The following SLPI variants were observed in gnomAD, a reference collection of about 807,000 sequenced individuals.
The protein encoded by SLPI is antileukoproteinase.
SLPI carries 20 observed loss-of-function variants against 14.3 expected under a neutral mutation model. That is an observed-to-expected ratio of 1.40 (90% CI 0.99 to 2.04). The LOEUF (loss-of-function observed/expected upper bound fraction) is 2.04. Ranked by LOEUF, SLPI falls within the 30% of genes most tolerant of loss-of-function variation. The probability of loss-of-function intolerance (pLI) is 0.00; values close to 1 mark genes in which losing one functional copy is unlikely to be tolerated. For synonymous variants in SLPI, 68 were observed against 54.8 expected, an observed-to-expected ratio of 1.24 and a Z score of -1.07; for missense variants, 169 against 159.4, an observed-to-expected ratio of 1.06 and a Z score of -0.32.
rs566859914 is a variant in SLPI at position 45,254,520 on chromosome 20, G to T, written c.24C>A (p.Pro8=). 5 of 1,614,128 alleles carry T rather than the reference G, an allele frequency of 3.1e-6. No individual in the cohort carries two copies. In the South Asian group the frequency reaches 5.5e-5, roughly 18 times the overall value. The stretch of plus-strand genomic sequence containing the variant: ...TTCCCAGGGCAAGCAGCACCAGGAA[G>T]GGGAAGAGGCCGCTGGACTTCATGG... The part of the protein sequence containing the change: MKSSGLF[P]FLVLLALGTL... Residue 8 remains proline, a synonymous_variant, in exon 1 of 4, where the codon CCC becomes CCA. Coordinates refer to ENST00000338380, the MANE Select transcript of SLPI (RefSeq NM_003064.4).
intron 1 of SLPI, 99 bp downstream of exon 1, chr20:45,254,359 CT>C: frequency 1.0e-6 from 1 of 978,532 alleles, no homozygotes; most frequent in Non-Finnish European, 1.6e-6. Context: ...CGAAACTAAG[CT>C]GAGGGATCAG....
intron 1 of SLPI, among the ~76,000 whole-genome samples, chr20:45,254,169 C>A (rs1035188701): frequency 6.7e-6 from 1 of 149,298 alleles, no homozygotes; most frequent in Non-Finnish European, 1.5e-5. Flanking sequence ...ATTTGAGAGT[C>A]GCAGACAGGT....
chr20:45,253,228 C>A lies in SLPI; in HGVS notation c.245-77G>T. 8 of 1,523,146 alleles carry A rather than the reference C, an allele frequency of 5.3e-6. 2 individuals carry two copies. 94.4% of individuals were successfully genotyped at this position (1,523,146 alleles called of 1,614,324 possible). A position where few individuals can be genotyped will look rare whatever the true frequency, so the allele number is the denominator to read the frequency against. On this transcript the variant is annotated intron_variant, in intron 2 of 3. Transcript: ENST00000338380. ...TCCCATCCCCACTTTTTAGAGTGAGCCCCTGCTCCAGCTTCAGCAGGGGGG... is the reference window on the plus strand; with the variant it reads ...TCCCATCCCCACTTTTTAGAGTGAGACCCTGCTCCAGCTTCAGCAGGGGGG...
At chr20:45,254,427 GC>G (rs768046515) in intron 1 of SLPI, 31 bp downstream of exon 1, 1 of 1,594,588 alleles carries the variant, frequency 6.3e-7, no homozygotes, top group Admixed American at 1.7e-5. Context: ...TGACCCTGCA[GC>G]CCAGATTAGA....
At position 45,252,269 on chromosome 20, in the gene SLPI, C is replaced by T; in HGVS notation, c.*146G>A. The T allele has an allele frequency of 1.5e-6, 1 of 649,348 alleles. No individual in the cohort carries two copies. The highest frequency in any genetic ancestry group is 2.6e-6 in the Non-Finnish European group (1 of 381,886). The allele number at this position is 649,348 out of a possible 1,614,324, so 40.2% of individuals were successfully genotyped here. ...AGAGAAATAGGCTCGTTTATTTATTCATTGATCAACTGGCACTTCTTGAAA... is the reference window on the plus strand; with the variant it reads ...AGAGAAATAGGCTCGTTTATTTATTTATTGATCAACTGGCACTTCTTGAAA... On this transcript the variant is annotated 3_prime_UTR_variant, in exon 4 of 4. Coordinates refer to ENST00000338380, the MANE Select transcript of SLPI (RefSeq NM_003064.4).
At chr20:45,253,247 AGG>A in intron 2 of SLPI, 96 bp from the exon 3 acceptor site, 2 of 1,440,936 alleles carry the variant, frequency 1.4e-6, no homozygotes, top group Non-Finnish European at 1.9e-6. Context: ...CAGCTTCAGC[AGG>A]GGGGATCATC....
chr20:45,252,330 T>A lies in SLPI; in HGVS notation c.*85A>T. 7.4e-7 allele frequency: 1 copy of A among 1,351,904 alleles called. No individual in the cohort carries two copies. The highest frequency in any genetic ancestry group is 1.2e-5 in the South Asian group (1 of 81,286). The allele number at this position is 1,351,904 out of a possible 1,614,324, so 83.7% of individuals were successfully genotyped here. A position where few individuals can be genotyped will look rare whatever the true frequency, so the allele number is the denominator to read the frequency against. On this transcript the variant is annotated 3_prime_UTR_variant, in exon 4 of 4. Coordinates refer to ENST00000338380, the MANE Select transcript of SLPI (RefSeq NM_003064.4). ...TGCCAAGCCTTTCCCCAAAGGAGGA[T>A]ATCAGTGGTGGAGCCAAGTCTCAGG...
chr20:45,252,485 T>A, intron 3 of SLPI, 66 bp from the exon 4 acceptor site: 1 of 1,558,124 alleles, frequency 6.4e-7, no homozygotes, highest in Non-Finnish European at 8.8e-7. Context: ...ACATCCTTCC[T>A]CCTGCCCAAG....
chr20:45,253,861 G>A (rs1600670639), intron 1 of SLPI, 128 bp from the exon 2 acceptor site: 1 of 752,272 alleles, frequency 1.3e-6, no homozygotes, highest in Non-Finnish European at 2.2e-6. Context: ...AAGCCCAAAG[G>A]GTCATGCCTG....
chr20:45,254,324 G>A (rs2145611708), intron 1 of SLPI, 135 bp downstream of exon 1: 1 of 694,046 alleles, frequency 1.4e-6, no homozygotes. Context: ...AGCCAGACAT[G>A]TATTCCACCC....
intron 1 of SLPI, among the ~76,000 whole-genome samples, chr20:45,253,988 A>G (rs1984743559): frequency 6.6e-6 from 1 of 152,178 alleles, no homozygotes; most frequent in Non-Finnish European, 1.5e-5. Flanking sequence ...CAAGAGCAAA[A>G]CAAGGCTACA....
At chr20:45,254,400 C>CA (rs1345308183) in intron 1 of SLPI, 59 bp downstream of exon 1, 1 of 1,472,796 alleles carries the variant, frequency 6.8e-7, no homozygotes, top group Non-Finnish European at 9.5e-7. Flanking sequence ...ACCCACACCA[C>CA]AAGGAGACCC....
Position 45,253,727 on chromosome 20 carries a change from T to A in SLPI, c.92A>T (p.Lys31Ile). The A allele has an allele frequency of 6.2e-7, 1 of 1,613,496 alleles. No homozygotes were observed. The highest frequency in any genetic ancestry group is 8.5e-7 in the Non-Finnish European group (1 of 1,179,640). The change falls in exon 2 of 4, where the codon AAA (lysine) becomes ATA (isoleucine). Residue 31 changes from lysine to isoleucine, a missense_variant. Coordinates refer to ENST00000338380, the MANE Select transcript of SLPI (RefSeq NM_003064.4). Reference protein sequence around the residue: ...WAVEGSGKSFKAGVCPPKKSA... With the variant: ...WAVEGSGKSFIAGVCPPKKSA... ...TTTCTTAGGAGGACAGACTCCAGCT[T>A]TGAAGGCTTTTGAAGAGAAAGTCAA...
chr20:45,254,385 G>A lies in SLPI; in HGVS notation c.85+74C>T, dbSNP rs1012436321. 4 of 1,275,346 alleles carry A rather than the reference G, an allele frequency of 3.1e-6. No individual in the cohort carries two copies. The African/African-American group carries it at 5.9e-5, about 19-fold the overall frequency. The allele number at this position is 1,275,346 out of a possible 1,614,324, so 79.0% of individuals were successfully genotyped here. ...TGAGGGATCAGAGCCTACAGAAGGG[G>A]ACACACCCACACCACAAGGAGACCC... On this transcript the variant is annotated intron_variant, in intron 1 of 3. Coordinates refer to ENST00000338380, the MANE Select transcript of SLPI (RefSeq NM_003064.4).
chr20:45,252,508 A>T, intron 3 of SLPI, 89 bp from the exon 4 acceptor site: 1 of 1,341,814 alleles, frequency 7.5e-7, no homozygotes, highest in Non-Finnish European at 1.1e-6. Flanking sequence ...TCCTTCTGAG[A>T]TAGAGAAAAT....
chr20:45,254,389 C>G, intron 1 of SLPI, 70 bp downstream of exon 1: 1 of 1,334,972 alleles, frequency 7.5e-7, no homozygotes, highest in Admixed American at 1.8e-5. Flanking sequence ...GAAGGGGACA[C>G]ACCCACACCA....
intron 3 of SLPI, among the ~76,000 whole-genome samples, 156 bp downstream of exon 3, chr20:45,252,846 G>A (rs1984700001): frequency 6.6e-6 from 1 of 152,272 alleles, no homozygotes; most frequent in South Asian, 2.1e-4. Context: ...CTGGCCCTGA[G>A]ACCTGGAGAA....
chr20:45,254,356 A>C, intron 1 of SLPI, 103 bp downstream of exon 1: 1 of 953,084 alleles, frequency 1.0e-6, no homozygotes, highest in Non-Finnish European at 1.6e-6. Context: ...TCCCGAAACT[A>C]AGCTGAGGGA....
At chr20:45,252,902 A>AGTAG (rs1984701301) in intron 3 of SLPI, 100 bp downstream of exon 3, 1 of 1,254,172 alleles carries the variant, frequency 8.0e-7, no homozygotes, top group Admixed American at 2.0e-5. Context: ...CTGTGCTTGG[A>AGTAG]GTAGGGTTCA....
Sources: gnomAD v4.1 joint callset for allele counts (sites outside exome capture counted in the v4.1 genomes callset) on GRCh38, gnomAD v4.1.1 for gene constraint, MANE v1.5 for transcripts, NCBI Gene and HGNC (gene_info 2026-07-23, HGNC 2026-07-21) for gene names.